Variants in MACROD2 observed in about 807,000 individuals in gnomAD.
The protein encoded by MACROD2 is mono-ADP ribosylhydrolase 2, also known as ADP-ribose glycohydrolase MACROD2.
MACROD2 carries 36 observed loss-of-function variants against 70.4 expected under a neutral mutation model. That is an observed-to-expected ratio of 0.51 (90% CI 0.39 to 0.68). The LOEUF (loss-of-function observed/expected upper bound fraction) is 0.68. Ranked by LOEUF, MACROD2 falls within the 30% of genes least tolerant of loss-of-function variation. The pLI is 0.00. For synonymous variants in MACROD2, 172 were observed against 178.8 expected (o/e 0.96, Z 0.30); for missense variants, 496 against 538.4 (o/e 0.92, Z 0.78).
chr20:15,668,580 A>C (rs1462734391), intron 8 of MACROD2, among the ~76,000 whole-genome samples: 1 of 152,114 alleles, frequency 6.6e-6, no homozygotes, highest in African/African-American at 2.4e-5. Context: ...AAATAAAATA[A>C]AAAATAAAAA....
chr20:15,064,358 C>T (rs1327969540), intron 5 of MACROD2, among the ~76,000 whole-genome samples: 1 of 152,156 alleles, frequency 6.6e-6, no homozygotes, highest in Non-Finnish European at 1.5e-5. Flanking sequence ...GGCATCTGCT[C>T]AGATGCTGAT....
At chr20:15,118,715 A>G (rs1356462308) in intron 5 of MACROD2, among the ~76,000 whole-genome samples, 1 of 152,218 alleles carries the variant, frequency 6.6e-6, no homozygotes, top group African/African-American at 2.4e-5. Context: ...CAAATCAAAT[A>G]TACTTGAAAT....
chr20:14,574,660 T>C (rs1980451119), intron 4 of MACROD2, among the ~76,000 whole-genome samples: 1 of 150,882 alleles, frequency 6.6e-6, no homozygotes, highest in Non-Finnish European at 1.5e-5. Flanking sequence ...AATATATTAT[T>C]ATGAAATATA....
At chr20:15,101,265 C>T (rs1237331051) in intron 5 of MACROD2, among the ~76,000 whole-genome samples, 1 of 151,902 alleles carries the variant, frequency 6.6e-6, no homozygotes, top group Admixed American at 6.6e-5. Flanking sequence ...GGAGACTGAG[C>T]CCTTTTTGTT....
At chr20:14,463,749 T>G (rs2084402375) in intron 3 of MACROD2, among the ~76,000 whole-genome samples, 1 of 151,960 alleles carries the variant, frequency 6.6e-6, no homozygotes, top group African/African-American at 2.4e-5. Context: ...ATGGAGGGTT[T>G]TTGAATTTTG....
At chr20:14,476,473 A>G (rs1338146991) in intron 3 of MACROD2, among the ~76,000 whole-genome samples, 1 of 152,144 alleles carries the variant, frequency 6.6e-6, no homozygotes, top group African/African-American at 2.4e-5. Flanking sequence ...CTCATGCCTT[A>G]GCCTCCCTAG....
intron 4 of MACROD2, among the ~76,000 whole-genome samples, chr20:14,516,908 G>T (rs1026894642): frequency 6.6e-6 from 1 of 152,078 alleles, no homozygotes; most frequent in East Asian, 1.9e-4. Flanking sequence ...AAAAGAAGAC[G>T]TTTATGCAGC....
At chr20:15,510,213 AG>A (rs1246845142) in intron 8 of MACROD2, among the ~76,000 whole-genome samples, 2 of 152,240 alleles carry the variant, frequency 1.3e-5, no homozygotes, top group Non-Finnish European at 2.9e-5. Context: ...ATAAATAGAA[AG>A]TAAACCTCTG....
At chr20:14,183,320 G>C (rs1208932589) in intron 3 of MACROD2, among the ~76,000 whole-genome samples, 1 of 151,728 alleles carries the variant, frequency 6.6e-6, no homozygotes, top group Admixed American at 6.6e-5. Context: ...TAAGGATAAT[G>C]GCCTTTAGCT....
chr20:14,315,914 T>A (rs991331894), intron 3 of MACROD2, among the ~76,000 whole-genome samples: 2 of 152,256 alleles, frequency 1.3e-5, no homozygotes, highest in Non-Finnish European at 2.9e-5. Context: ...TATGTAGGTC[T>A]GGCAAGTGTA....
intron 3 of MACROD2, among the ~76,000 whole-genome samples, chr20:14,134,756 G>C (rs771141825): frequency 7.6e-6 from 1 of 130,878 alleles, no homozygotes; most frequent in Non-Finnish European, 1.5e-5. Context: ...AGTGAGCCGA[G>C]ATCGCGCTAC....
At chr20:14,068,685 A>G (rs984410901) in intron 2 of MACROD2, among the ~76,000 whole-genome samples, 3 of 152,128 alleles carry the variant, frequency 2.0e-5, no homozygotes, top group Admixed American at 6.5e-5. Context: ...CTAAAGTCAC[A>G]GGGGAAGGAA....
chr20:15,127,039 C>T (rs762679457), intron 5 of MACROD2, among the ~76,000 whole-genome samples: 2 of 152,046 alleles, frequency 1.3e-5, no homozygotes, highest in Non-Finnish European at 2.9e-5. Flanking sequence ...TTATTATGTA[C>T]ACCTAGGGCA....
intron 5 of MACROD2, among the ~76,000 whole-genome samples, chr20:15,207,114 T>C (rs1025916968): frequency 2.0e-5 from 3 of 152,156 alleles, no homozygotes; most frequent in Non-Finnish European, 4.4e-5. Flanking sequence ...TGAAGCACAA[T>C]TAGTTCTTCC....
At chr20:14,313,487 G>A (rs1166233462) in intron 3 of MACROD2, among the ~76,000 whole-genome samples, 4 of 149,670 alleles carry the variant, frequency 2.7e-5, no homozygotes, top group Non-Finnish European at 5.9e-5. Flanking sequence ...GGTTTTAATG[G>A]CATCTATGGT....
In MACROD2 at chr20:13,995,902, A is replaced by G; in HGVS notation, c.46+93A>G. 5 of 1,442,780 alleles carry G rather than the reference A, an allele frequency of 3.5e-6. No homozygotes were observed. Among genetic ancestry groups the G allele is most frequent in the Non-Finnish European group, 4.7e-6 (5 of 1,053,034 alleles). The allele number at this position is 1,442,780 out of a possible 1,614,324, so 89.4% of individuals were successfully genotyped here. A position where few individuals can be genotyped will look rare whatever the true frequency, so the allele number is the denominator to read the frequency against. On this transcript the variant is annotated intron_variant, in intron 1 of 17. Coordinates refer to ENST00000684519, the MANE Select transcript of MACROD2 (RefSeq NM_001351661.2). This position sits in a 1 kb window ranked among gnomAD's most constrained non-coding sequence, Gnocchi z 4.3. ...TGTGTGCCGCGGCGCCCTCCGCCCG[A>G]GCTCCCGCCTCGCGCCCTCCCGGCC...
chr20:14,422,574 C>T (rs1002487435), intron 3 of MACROD2, among the ~76,000 whole-genome samples: 5 of 151,700 alleles, frequency 3.3e-5, no homozygotes, highest in African/African-American at 1.2e-4. Context: ...TTATATTCTA[C>T]AGGTATTTTT....
intron 8 of MACROD2, among the ~76,000 whole-genome samples, chr20:15,605,770 C>A (rs460958): frequency 0.46 from 69,923 of 151,890 alleles, 19,820 homozygotes; most frequent in African/African-American, 0.81. Flanking sequence ...TATGACATAG[C>A]CATTGTTGTC....
intron 3 of MACROD2, among the ~76,000 whole-genome samples, chr20:14,289,742 A>G (rs909824163): frequency 1.3e-5 from 2 of 152,082 alleles, no homozygotes; most frequent in Admixed American, 1.3e-4. Flanking sequence ...GGGTCTCACT[A>G]TGTTGCCCAG....
Sources: allele counts gnomAD v4.1 joint callset (sites outside exome capture counted in the v4.1 genomes callset), GRCh38; gene constraint gnomAD v4.1.1; non-coding constraint Gnocchi (gnomAD v3.1); transcripts MANE v1.5; gene names NCBI Gene and HGNC (gene_info 2026-07-23, HGNC 2026-07-21).